STS: variants seen among roughly 807,000 people sequenced by gnomAD.
The protein encoded by STS is steroid sulfatase.
In STS, 7 loss-of-function variants were observed where a neutral mutation model predicts 26.8. The observed-to-expected ratio is 0.26, with a 90% CI of 0.15 to 0.49. The LOEUF is 0.49. STS is among the 20% of genes least tolerant of loss of function. The pLI is 0.98. For missense variants in STS, 434 were observed against 465.6 expected, an observed-to-expected ratio of 0.93 and a Z score of 0.63; for synonymous variants, 199 against 189.4, an observed-to-expected ratio of 1.05 and a Z score of -0.42.
intron 2 of STS, among the ~76,000 whole-genome samples, chrX:7,205,227 TC>T (rs1399512715): frequency 8.9e-6 from 1 of 112,710 alleles, no homozygotes; most frequent in Non-Finnish European, 1.9e-5. Flanking sequence ...AGAGGGGCTT[TC>T]CCTGCCTACA....
intron 2 of STS, among the ~76,000 whole-genome samples, chrX:7,205,835 G>A (rs1286868091): frequency 6.5e-5 from 7 of 108,407 alleles, no homozygotes; most frequent in Non-Finnish European, 1.9e-5. Context: ...AGTCTGGTCT[G>A]GAGCTCCCAG....
rs950366682 is a variant in STS at position 7,259,915 on chromosome X, G to A, written c.806+143G>A. 5.7e-4 allele frequency: 445 copies of A among 776,933 alleles called. 1 individual carries two copies. The highest frequency in any genetic ancestry group is 1.3e-3 in the East Asian group (37 of 28,622). The allele number at this position is 776,933 out of a possible 1,213,427, so 64.0% of individuals were successfully genotyped here. On this transcript the variant is annotated intron_variant, in intron 6 of 10. Transcript: ENST00000674429. The stretch of plus-strand genomic sequence containing the variant: ...TTTTGAGACAGAGTCTTGCTCTGTC[G>A]CCCAGGCTGGAGTGCAGTGGCGTGA...
At chrX:7,328,416 G>A (rs1469992755) in intron 9 of STS, among the ~76,000 whole-genome samples, 1 of 111,611 alleles carries the variant, frequency 9.0e-6, no homozygotes, top group Non-Finnish European at 1.9e-5. Flanking sequence ...GCTCAATGAA[G>A]AAGATAACAG....
rs754790742 is a variant in STS, at chrX:7,309,575, A to G, written c.1081+4392A>G. 1.1e-4 allele frequency among the ~76,000 whole-genome samples: 10 copies of G among 89,416 alleles called. No individual in the cohort carries two copies. In the South Asian group the frequency reaches 5.5e-3, roughly 49 times the overall value. 77.6% of individuals were successfully genotyped at this position (89,416 alleles called of 115,157 possible). A position where few individuals can be genotyped will look rare whatever the true frequency, so the allele number is the denominator to read the frequency against. The stretch of plus-strand genomic sequence containing the variant: ...AGTTAAACATAAATAAATAAATAAA[A>G]TAAAATATACCAGACTTCTTGTTAA... On this transcript the variant is annotated intron_variant, in intron 8 of 10. Transcript: ENST00000674429.
intron 2 of STS, chrX:7,219,532 C>A: frequency 8.5e-7 from 1 of 1,182,928 alleles, no homozygotes; most frequent in Non-Finnish European, 1.1e-6. Context: ...GTAGGATTGG[C>A]CTGCTTCAAA....
At chrX:7,248,624 A>G (rs1000035492) in intron 2 of STS, among the ~76,000 whole-genome samples, 3 of 108,062 alleles carry the variant, frequency 2.8e-5, no homozygotes, top group African/African-American at 1.0e-4. Context: ...TTTAACTAAT[A>G]AGTTCATTTT....
At chrX:7,206,687 G>C (rs1196605961) in intron 2 of STS, among the ~76,000 whole-genome samples, 6 of 111,722 alleles carry the variant, frequency 5.4e-5, no homozygotes, top group African/African-American at 1.6e-4. Context: ...CCTTAAATAA[G>C]AGGCATGCAG....
chrX:7,348,407 G>T (rs1233744832), intron 10 of STS, among the ~76,000 whole-genome samples: 1 of 112,138 alleles, frequency 8.9e-6, no homozygotes, highest in Non-Finnish European at 1.9e-5. Context: ...CAGGGGTGGA[G>T]GGCTTCCTAG....
At chrX:7,327,557 G>T (rs1927541234) in intron 9 of STS, among the ~76,000 whole-genome samples, 1 of 109,038 alleles carries the variant, frequency 9.2e-6, no homozygotes, top group African/African-American at 3.3e-5. Context: ...TTAATTTTTT[G>T]TATTTTTGGT....
At chrX:7,320,013 T>TATA (rs1926917701) in intron 8 of STS, among the ~76,000 whole-genome samples, 7 of 90,531 alleles carry the variant, frequency 7.7e-5, no homozygotes, top group African/African-American at 2.9e-4. Flanking sequence ...TATATATATA[T>TATA]TTATATATAT....
At chrX:7,276,386 T>C (rs1198245517) in intron 7 of STS, among the ~76,000 whole-genome samples, 1 of 110,455 alleles carries the variant, frequency 9.1e-6, no homozygotes, top group Non-Finnish European at 1.9e-5. Flanking sequence ...TGGGAGGACG[T>C]CTTGAACCCA....
chrX:7,165,279 CCA>C (rs1418693315), intron 1 of STS, among the ~76,000 whole-genome samples: 1 of 109,051 alleles, frequency 9.2e-6, no homozygotes, highest in Non-Finnish European at 1.9e-5. Context: ...AGAAATGACT[CCA>C]GACATTGTCC....
At chrX:7,251,596 C>A (rs1923145463) in intron 2 of STS, among the ~76,000 whole-genome samples, 1 of 111,469 alleles carries the variant, frequency 9.0e-6, no homozygotes, top group Non-Finnish European at 1.9e-5. Context: ...AAACTAAAAG[C>A]CCAGACTCCA....
Position 7,354,440 on chromosome X carries a change from A to G in STS, c.*4179A>G, listed in dbSNP as rs749413848. On this transcript the variant is annotated 3_prime_UTR_variant, in exon 11 of 11. Coordinates refer to ENST00000674429, the MANE Select transcript of STS (RefSeq NM_001320752.2). ...TAGCATTGAAAAATTTTTTTCTTTG[A>G]CATCATTCATGACAACATGAAACCT... is the stretch of plus-strand genomic sequence containing the variant. 2.7e-5 allele frequency: 3 copies of G among 111,418 alleles called. No homozygotes were observed. Among genetic ancestry groups the G allele is most frequent in the Non-Finnish European group, 5.7e-5 (3 of 53,088 alleles). The allele number at this position is 111,418 out of a possible 1,213,427, so 9.2% of individuals were successfully genotyped here.
In STS at chrX:7,147,961, G is replaced by A. The variant is rs1380539325; in HGVS notation, c.-256G>A. On this transcript the variant is annotated 5_prime_UTR_variant, in exon 1 of 11. Transcript: ENST00000674429. ...GTCCCTGCATGAACACCGCCCCGCC[G>A]CGGCCCCCAGGCCGTGACGTACCCC... The A allele has an allele frequency of 1.2e-4, 81 of 684,219 alleles. No individual in the cohort carries two copies. The highest frequency in any genetic ancestry group is 1.6e-4 in the Non-Finnish European group (73 of 458,505). The allele number at this position is 684,219 out of a possible 1,213,427, so 56.4% of individuals were successfully genotyped here. A position where few individuals can be genotyped will look rare whatever the true frequency, so the allele number is the denominator to read the frequency against.
Position 7,323,759 on chromosome X carries a change from G to A in STS, c.1082-1580G>A, listed in dbSNP as rs777121111. Among the ~76,000 whole-genome samples the A allele has an allele frequency of 1.3e-4, 15 of 111,893 alleles. No homozygotes were observed. In the South Asian group the frequency reaches 5.7e-3, roughly 42 times the overall value. ...CATGAATTAAATGGGTCCTCAAGGT[G>A]TTGGCAGGGCTATGTTTCTTGCTGA... On this transcript the variant is annotated intron_variant, in intron 8 of 10. Transcript: ENST00000674429.
intron 8 of STS, among the ~76,000 whole-genome samples, chrX:7,322,550 G>A (rs190405284): frequency 0.056 from 6,202 of 111,329 alleles, 192 homozygotes; most frequent in South Asian, 0.084. Flanking sequence ...ATAGGCGTGC[G>A]CCACCACGCC....
chrX:7,323,541 A>G (rs1457842380), intron 8 of STS, among the ~76,000 whole-genome samples: 1 of 111,816 alleles, frequency 8.9e-6, no homozygotes, highest in Non-Finnish European at 1.9e-5. Context: ...ATGTTGCTAC[A>G]AAGGACAATA....
chrX:7,331,461 C>T (rs189276170), intron 9 of STS, among the ~76,000 whole-genome samples: 64 of 110,684 alleles, frequency 5.8e-4, no homozygotes, highest in African/African-American at 1.9e-3. Flanking sequence ...TTTTTTTTAG[C>T]ATTGGCTGTT....
Sources: gnomAD v4.1 joint callset for allele counts (sites outside exome capture counted in the v4.1 genomes callset) on GRCh38, gnomAD v4.1.1 for gene constraint, MANE v1.5 for transcripts, NCBI Gene and HGNC (gene_info 2026-07-23, HGNC 2026-07-21) for gene names.